The following SPTBN1 variants were observed in gnomAD, a reference collection of about 807,000 sequenced individuals.
SPTBN1 encodes the protein spectrin beta chain, non-erythrocytic 1.
SPTBN1 carries 32 observed loss-of-function variants against 266.4 expected under a neutral mutation model. That is an observed-to-expected ratio of 0.12 (90% CI 0.09 to 0.16). The LOEUF (loss-of-function observed/expected upper bound fraction) is 0.16. SPTBN1 is among the 10% of genes least tolerant of loss of function. SPTBN1 has a pLI of 1.00. For missense variants in SPTBN1, 2,296 were observed against 3,067.1 expected, an observed-to-expected ratio of 0.75 and a Z score of 5.94; for synonymous variants, 1,336 against 1,162.2, an observed-to-expected ratio of 1.15 and a Z score of -3.04.
intron 2 of SPTBN1, among the ~76,000 whole-genome samples, chr2:54,535,716 T>C (rs1018685447): frequency 2.6e-5 from 4 of 152,240 alleles, no homozygotes; most frequent in Non-Finnish European, 4.4e-5. Flanking sequence ...ATGGCAAATC[T>C]GTTGTAGGCA....
intron 2 of SPTBN1, chr2:54,546,545 C>T: frequency 6.6e-6 from 1 of 152,114 alleles, no homozygotes; most frequent in East Asian, 1.9e-4. Context: ...GACTCAATCT[C>T]AAAGATGCTG....
intron 2 of SPTBN1, among the ~76,000 whole-genome samples, chr2:54,575,105 C>T (rs1245566431): frequency 2.0e-5 from 3 of 152,116 alleles, no homozygotes; most frequent in African/African-American, 4.8e-5. Context: ...GGTGGAGACA[C>T]GTAGGAAGGC....
chr2:54,636,227 A>G (rs933218522), intron 17 of SPTBN1, among the ~76,000 whole-genome samples: 6 of 152,194 alleles, frequency 3.9e-5, no homozygotes, highest in Non-Finnish European at 5.9e-5. Flanking sequence ...TAAGCATATT[A>G]AGATCCCTTT....
chr2:54,647,073 C>T, intron 23 of SPTBN1, 58 bp from the exon 24 acceptor site: 13 of 1,612,280 alleles, frequency 8.1e-6, no homozygotes, highest in African/African-American at 2.7e-5. Flanking sequence ...TCTGTCACTC[C>T]TTAAGGGGTA....
chr2:54,482,992 C>G (rs1009170729), intron 1 of SPTBN1, among the ~76,000 whole-genome samples: 1 of 152,140 alleles, frequency 6.6e-6, no homozygotes, highest in African/African-American at 2.4e-5. Flanking sequence ...CAGGCTGGCC[C>G]GAAGGGGTGT....
At chr2:54,652,088 T>C (rs574113005) in intron 26 of SPTBN1, among the ~76,000 whole-genome samples, 2 of 152,312 alleles carry the variant, frequency 1.3e-5, no homozygotes, top group African/African-American at 4.8e-5. Context: ...AGGACAGTTG[T>C]CTGCGGACTT....
At chr2:54,518,082 G>T (rs1670215420) in intron 1 of SPTBN1, among the ~76,000 whole-genome samples, 1 of 151,992 alleles carries the variant, frequency 6.6e-6, no homozygotes. Flanking sequence ...ATCATGCCGT[G>T]ACTTTTCATG....
In SPTBN1 at chr2:54,649,514, A is replaced by G; in HGVS notation, c.5203-101A>G. 3 of 1,487,318 alleles carry G rather than the reference A, an allele frequency of 2.0e-6. No individual in the cohort carries two copies. Among genetic ancestry groups the G allele is most frequent in the Non-Finnish European group, 2.7e-6 (3 of 1,111,310 alleles). 92.1% of individuals were successfully genotyped at this position (1,487,318 alleles called of 1,614,324 possible). ...TGAAGTCATGAGTATTATTGGCTAC[A>G]TCTTGCTTAGAGGCAGTTTCTTTCC... On this transcript the variant is annotated intron_variant, in intron 25 of 35. Transcript: ENST00000356805. This position sits in a 1 kb window ranked among gnomAD's most constrained non-coding sequence, Gnocchi z 6.7.
intron 1 of SPTBN1, among the ~76,000 whole-genome samples, chr2:54,494,013 T>C (rs1234028173): frequency 1.3e-5 from 2 of 152,210 alleles, no homozygotes. Flanking sequence ...GTCATGCTCT[T>C]TCTCATAAAT....
intron 11 of SPTBN1, among the ~76,000 whole-genome samples, chr2:54,625,460 G>A (rs1490789206): frequency 6.6e-6 from 1 of 152,064 alleles, no homozygotes; most frequent in Non-Finnish European, 1.5e-5. Context: ...GCAGAGACCA[G>A]TGGGGTGGGG....
intron 2 of SPTBN1, among the ~76,000 whole-genome samples, chr2:54,589,642 C>G (rs927180927): frequency 2.0e-5 from 3 of 152,194 alleles, no homozygotes; most frequent in Non-Finnish European, 2.9e-5. Context: ...TATTTTTATA[C>G]AAATCAGCAA....
intron 2 of SPTBN1, among the ~76,000 whole-genome samples, chr2:54,566,334 C>T (rs562818596): frequency 6.6e-6 from 1 of 151,682 alleles, no homozygotes; most frequent in South Asian, 2.1e-4. Context: ...ATTATAGGCG[C>T]CCACCACCAC....
chr2:54,666,075 G>A lies in SPTBN1; in HGVS notation c.6820G>A (p.Val2274Ile). The A allele has an allele frequency of 5.0e-6, 8 of 1,612,198 alleles. No homozygotes were observed. Among genetic ancestry groups the A allele is most frequent in the Non-Finnish European group, 6.8e-6 (8 of 1,179,374 alleles). ...CCTTGATTACAAAAAGAAGAAACAC[G>A]TATTCAAGCTAAGGTGAGAGTCGCC... ...VALDYKKKKH[V>I]FKLRLNDGNE... The change falls in exon 34 of 36, where the codon GTA (valine) becomes ATA (isoleucine). Residue 2274 changes from valine to isoleucine, a missense_variant. Physicochemically the swap from Val to Ile is conservative, Grantham distance 29. Transcript: ENST00000356805.
Position 54,558,660 on chromosome 2 carries a change from G to C in SPTBN1, c.148+32094G>C. On this transcript the variant is annotated intron_variant, in intron 2 of 35. Coordinates refer to ENST00000356805, the MANE Select transcript of SPTBN1 (RefSeq NM_003128.3). This position sits in a 1 kb window ranked among gnomAD's most constrained non-coding sequence, Gnocchi z 4.6. ...ATCACCCTGCTGGACTTGCAGACCG[G>C]AATGGGGCTCGCCTAAGGAGCCGAG... 1 of 1,504,000 alleles carries C rather than the reference G, an allele frequency of 6.6e-7. No homozygotes were observed. The allele number at this position is 1,504,000 out of a possible 1,614,324, so 93.2% of individuals were successfully genotyped here.
intron 24 of SPTBN1, among the ~76,000 whole-genome samples, chr2:54,648,442 T>A (rs1680058204): frequency 6.6e-6 from 1 of 152,146 alleles, no homozygotes; most frequent in Admixed American, 6.5e-5. Context: ...CCAGCCCTCC[T>A]AACAAGGATG....
chr2:54,563,613 T>C (rs1254946331), intron 2 of SPTBN1, among the ~76,000 whole-genome samples: 1 of 135,912 alleles, frequency 7.4e-6, no homozygotes, highest in African/African-American at 2.7e-5. Flanking sequence ...TTTTTTTTTT[T>C]TTTTTTTTGA....
At chr2:54,655,664 C>G (rs1353216169) in intron 28 of SPTBN1, among the ~76,000 whole-genome samples, 1 of 152,178 alleles carries the variant, frequency 6.6e-6, no homozygotes, top group Non-Finnish European at 1.5e-5. Context: ...ACGTGTTTGC[C>G]GCAGGGAGCC....
At chr2:54,660,782 A>G (rs1022659425) in intron 32 of SPTBN1, 2 of 985,440 alleles carry the variant, frequency 2.0e-6, no homozygotes, top group Non-Finnish European at 2.4e-6. Flanking sequence ...AGCCAGCCTC[A>G]GGAGTAAAGT....
intron 2 of SPTBN1, among the ~76,000 whole-genome samples, chr2:54,562,764 C>T (rs2104480364): frequency 6.7e-6 from 1 of 149,244 alleles, no homozygotes. Flanking sequence ...CACCATGTTG[C>T]CCAAACTGGT....
Sources: allele counts gnomAD v4.1 joint callset (sites outside exome capture counted in the v4.1 genomes callset), GRCh38; gene constraint gnomAD v4.1.1; non-coding constraint Gnocchi (gnomAD v3.1); transcripts MANE v1.5; gene names NCBI Gene and HGNC (gene_info 2026-07-23, HGNC 2026-07-21).